Variants in PRDM5 observed in about 807,000 individuals in gnomAD.
PRDM5 encodes PR domain zinc finger protein 5.
Under a neutral mutation model 81.2 loss-of-function variants are expected in PRDM5, and 56 were observed. That is an observed-to-expected ratio of 0.69 (90% CI 0.56 to 0.86). The LOEUF (loss-of-function observed/expected upper bound fraction) is 0.86, where lower values mean the gene tolerates loss of function less well. PRDM5 is among the 40% of genes least tolerant of loss of function. The pLI is 0.00. For missense variants in PRDM5, 697 were observed against 770.1 expected, an observed-to-expected ratio of 0.91 and a Z score of 1.12; for synonymous variants, 267 against 256.4, an observed-to-expected ratio of 1.04 and a Z score of -0.39.
intron 13 of PRDM5, among the ~76,000 whole-genome samples, chr4:120,761,101 T>G (rs1190540599): frequency 6.6e-6 from 1 of 152,192 alleles, no homozygotes; most frequent in Non-Finnish European, 1.5e-5. Context: ...TACTTTAACT[T>G]ACTCGGCTTG....
intron 1 of PRDM5, among the ~76,000 whole-genome samples, chr4:120,918,635 A>ATTT (rs534148936): frequency 1.2e-4 from 13 of 110,714 alleles, no homozygotes; most frequent in South Asian, 3.0e-4. Context: ...TACGTCAGGT[A>ATTT]TTTTTTTTTT....
At chr4:120,737,751 C>A (rs1468928304) in intron 14 of PRDM5, among the ~76,000 whole-genome samples, 1 of 152,184 alleles carries the variant, frequency 6.6e-6, no homozygotes, top group African/African-American at 2.4e-5. Flanking sequence ...AAGGTAGAGA[C>A]AATGTCTGAT....
chr4:120,850,455 T>C (rs1346568358), intron 3 of PRDM5, among the ~76,000 whole-genome samples: 1 of 152,084 alleles, frequency 6.6e-6, no homozygotes, highest in Non-Finnish European at 1.5e-5. Flanking sequence ...CCCTCAGCAA[T>C]CCTCTACTCC....
chr4:120,889,048 T>C (rs982076878), intron 2 of PRDM5, among the ~76,000 whole-genome samples: 1 of 152,192 alleles, frequency 6.6e-6, no homozygotes, highest in Non-Finnish European at 1.5e-5. Context: ...CTTTGTAGTA[T>C]CTTCTGATAA....
chr4:120,884,322 C>T (rs187860825), intron 2 of PRDM5, among the ~76,000 whole-genome samples: 150 of 152,194 alleles, frequency 9.9e-4, no homozygotes, highest in Non-Finnish European at 1.8e-3. Context: ...GAAAACATAA[C>T]CTGGTTGATA....
intron 2 of PRDM5, among the ~76,000 whole-genome samples, chr4:120,864,123 A>G (rs1335404484): frequency 2.0e-5 from 3 of 152,220 alleles, no homozygotes; most frequent in Non-Finnish European, 4.4e-5. Context: ...TCTCGATTCA[A>G]CTGCGAAAGA....
At position 120,692,195 on chromosome 4, in the gene PRDM5, A is replaced by G. The variant is rs1734096243; in HGVS notation, c.*2916T>C. 6.6e-6 allele frequency: 1 copy of G among 152,090 alleles called. No individual in the cohort carries two copies. The highest frequency in any genetic ancestry group is 1.5e-5 in the Non-Finnish European group (1 of 67,982). The allele number at this position is 152,090 out of a possible 1,614,324, so 9.4% of individuals were successfully genotyped here. Reference sequence around the variant, plus strand: ...TTCCTTTCATGCTTTTGTTTGAGAAAGGAAGCAGCACATAAAATCTAAAAC... The same window carrying G: ...TTCCTTTCATGCTTTTGTTTGAGAAGGGAAGCAGCACATAAAATCTAAAAC... On this transcript the variant is annotated 3_prime_UTR_variant, in exon 16 of 16. Transcript: ENST00000264808.
chr4:120,783,044 T>C (rs112322821), intron 11 of PRDM5, among the ~76,000 whole-genome samples: 71 of 152,224 alleles, frequency 4.7e-4, no homozygotes, highest in Admixed American at 2.6e-3. Context: ...TTTCAACATA[T>C]TGGGAAATAG....
At chr4:120,769,018 C>G (rs1746828979) in intron 13 of PRDM5, among the ~76,000 whole-genome samples, 1 of 152,132 alleles carries the variant, frequency 6.6e-6, no homozygotes, top group Non-Finnish European at 1.5e-5. Context: ...TCTTTAATGC[C>G]AGCACTTCTC....
chr4:120,747,624 TGCAAAAGGCACAG>T (rs1743330360), intron 14 of PRDM5, among the ~76,000 whole-genome samples: 1 of 152,078 alleles, frequency 6.6e-6, no homozygotes, highest in African/African-American at 2.4e-5. Flanking sequence ...CAAGGCAAAG[TGCAAAAGGCACAG>T]GTCTGTTAAA....
At chr4:120,715,989 G>GA (rs1420127904) in intron 14 of PRDM5, among the ~76,000 whole-genome samples, 1 of 152,172 alleles carries the variant, frequency 6.6e-6, no homozygotes, top group Non-Finnish European at 1.5e-5. Flanking sequence ...TGCTCATACA[G>GA]ATGCTTAAAA....
chr4:120,754,003 C>T (rs1428626044), intron 14 of PRDM5, among the ~76,000 whole-genome samples: 1 of 152,076 alleles, frequency 6.6e-6, no homozygotes, highest in Non-Finnish European at 1.5e-5. Context: ...GACAATAGTC[C>T]AGTGAGAGTG....
At chr4:120,877,834 CTT>C (rs1420403141) in intron 2 of PRDM5, among the ~76,000 whole-genome samples, 3 of 152,148 alleles carry the variant, frequency 2.0e-5, no homozygotes, top group Non-Finnish European at 2.9e-5. Context: ...AACAAACAAA[CTT>C]ATCTTTCAGC....
intron 10 of PRDM5, among the ~76,000 whole-genome samples, chr4:120,787,403 G>A (rs1252822261): frequency 6.6e-6 from 1 of 152,174 alleles, no homozygotes; most frequent in African/African-American, 2.4e-5. Context: ...TAAGAGAGAT[G>A]TAACTTTCTG....
chr4:120,710,625 T>C (rs544095611), intron 14 of PRDM5, among the ~76,000 whole-genome samples: 2 of 152,276 alleles, frequency 1.3e-5, no homozygotes, highest in East Asian at 3.9e-4. Context: ...TGGGAGGTAA[T>C]TGAATCATGG....
rs534501330 is a variant in PRDM5, at chr4:120,808,898, C to T, written c.945+2472G>A. 2.6e-4 allele frequency among the ~76,000 whole-genome samples: 40 copies of T among 152,318 alleles called. No individual in the cohort carries two copies. In the South Asian group the frequency reaches 6.8e-3, roughly 26 times the overall value. On this transcript the variant is annotated intron_variant, in intron 8 of 15. Transcript: ENST00000264808. ...CTAGCCCACGCCCACCTGGAACTCACGCTGGCCCGCAAGCGCCGCAGGCAG... is the reference window on the plus strand; with the variant it reads ...CTAGCCCACGCCCACCTGGAACTCATGCTGGCCCGCAAGCGCCGCAGGCAG...
intron 1 of PRDM5, among the ~76,000 whole-genome samples, chr4:120,912,710 T>C (rs1328242774): frequency 1.3e-5 from 2 of 152,220 alleles, no homozygotes; most frequent in Non-Finnish European, 2.9e-5. Flanking sequence ...TTTAGGAGAA[T>C]GTCCTTATGC....
In PRDM5 at chr4:120,708,368, C is replaced by T. The variant is rs140604845; in HGVS notation, c.1728+1941G>A. Among the ~76,000 whole-genome samples, 557 of 152,072 alleles carry T rather than the reference C, an allele frequency of 3.7e-3. 11 individuals are homozygous for T. Among genetic ancestry groups the T allele is most frequent in the Non-Finnish European group, 1.8e-3 (122 of 67,968 alleles). Reference sequence around the variant, plus strand: ...GTGGATAAACCTTGAGAACATTATGCTTAATGAAAGAAGCCAGTCACAAAA... The same window carrying T: ...GTGGATAAACCTTGAGAACATTATGTTTAATGAAAGAAGCCAGTCACAAAA... On this transcript the variant is annotated intron_variant, in intron 15 of 15. Coordinates refer to ENST00000264808, the MANE Select transcript of PRDM5 (RefSeq NM_018699.4).
intron 14 of PRDM5, among the ~76,000 whole-genome samples, chr4:120,730,830 A>G (rs1740142063): frequency 6.6e-6 from 1 of 152,204 alleles, no homozygotes; most frequent in African/African-American, 2.4e-5. Flanking sequence ...AATCTGCTGT[A>G]CACACACTCT....
Sources: allele counts gnomAD v4.1 joint callset (sites outside exome capture counted in the v4.1 genomes callset), GRCh38; gene constraint gnomAD v4.1.1; transcripts MANE v1.5; gene names NCBI Gene and HGNC (gene_info 2026-07-23, HGNC 2026-07-21).